Variants in MNS1 observed in about 807,000 individuals in gnomAD.
MNS1 encodes meiosis specific nuclear structural 1.
Under a neutral mutation model 72.0 loss-of-function variants are expected in MNS1, and 63 were observed. That is an observed-to-expected ratio of 0.87 (90% confidence interval 0.71 to 1.08). The LOEUF is 1.08. Among genes scored for constraint, MNS1 ranks in the 50% least tolerant of loss-of-function variants. MNS1 has a pLI of 0.00. For missense variants in MNS1, 604 were observed against 562.4 expected (o/e 1.07, Z -0.75); for synonymous variants, 188 against 172.1 (o/e 1.09, Z -0.72).
At chr15:56,463,012 C>A (rs916544365) in intron 2 of MNS1, among the ~76,000 whole-genome samples, 2 of 152,038 alleles carry the variant, frequency 1.3e-5, no homozygotes, top group Non-Finnish European at 1.5e-5. Flanking sequence ...GGGTGGATAT[C>A]ATTTTTTAAA....
In MNS1 at chr15:56,435,373, C is replaced by A. The variant is rs552010109; in HGVS notation, c.1012-978G>T. On this transcript the variant is annotated intron_variant, in intron 7 of 9. Transcript: ENST00000260453. ...AGAAAATAGACAATTATTGGTGAAA[C>A]AAAAGGCTGGTTCTTAAAAATTATC... Among the ~76,000 whole-genome samples, 30 of 151,364 alleles carry A rather than the reference C, an allele frequency of 2.0e-4. No homozygotes were observed. In the South Asian group the frequency reaches 6.2e-3, roughly 31 times the overall value.
intron 7 of MNS1, among the ~76,000 whole-genome samples, chr15:56,438,952 T>C (rs2050774569): frequency 6.6e-6 from 1 of 152,084 alleles, no homozygotes; most frequent in Non-Finnish European, 1.5e-5. Flanking sequence ...GCTGGAAATT[T>C]TAGCCAGCAT....
rs2050468675 is a variant in MNS1, at chr15:56,429,019, C to T, written c.*82G>A. The T allele has an allele frequency of 7.9e-6, 6 of 756,850 alleles. No homozygotes were observed. In the South Asian group the frequency reaches 1.2e-4, roughly 15 times the overall value. 46.9% of individuals were successfully genotyped at this position (756,850 alleles called of 1,614,324 possible). A position where few individuals can be genotyped will look rare whatever the true frequency, so the allele number is the denominator to read the frequency against. Reference sequence around the variant, plus strand: ...CCAAACAGACAATGGATACCTAATGCCACTGAACTGTAAAACAAAAGTTAT... The same window carrying T: ...CCAAACAGACAATGGATACCTAATGTCACTGAACTGTAAAACAAAAGTTAT... On this transcript the variant is annotated 3_prime_UTR_variant, in exon 10 of 10. Coordinates refer to ENST00000260453, the MANE Select transcript of MNS1 (RefSeq NM_018365.4).
rs145860236 is a variant in MNS1 at position 56,464,395 on chromosome 15, C to T, written c.4-148G>A. 1.4e-4 allele frequency: 90 copies of T among 624,168 alleles called. 1 individual carries two copies. The East Asian group carries it at 2.4e-3, about 16-fold the overall frequency. The allele number at this position is 624,168 out of a possible 1,614,324, so 38.7% of individuals were successfully genotyped here. ...AGGAGTATACCGAATAAAAAGTAAACGTGGTAAATATGTTCACATATCGAT... is the reference window on the plus strand; with the variant it reads ...AGGAGTATACCGAATAAAAAGTAAATGTGGTAAATATGTTCACATATCGAT... On this transcript the variant is annotated intron_variant, in intron 1 of 9. Coordinates refer to ENST00000260453, the MANE Select transcript of MNS1 (RefSeq NM_018365.4).
intron 4 of MNS1, among the ~76,000 whole-genome samples, chr15:56,445,500 A>T (rs1354666373): frequency 6.6e-6 from 1 of 152,036 alleles, no homozygotes; most frequent in Admixed American, 6.6e-5. Context: ...GTCATTCCTG[A>T]CGTCACTGAA....
intron 1 of MNS1, among the ~76,000 whole-genome samples, 199 bp from the exon 2 acceptor site, chr15:56,464,446 A>G (rs1478167169): frequency 1.3e-5 from 2 of 152,158 alleles, no homozygotes; most frequent in Non-Finnish European, 1.5e-5. Context: ...ATTATTACCT[A>G]TTTTATAGAT....
intron 3 of MNS1, among the ~76,000 whole-genome samples, chr15:56,453,429 A>G (rs1596266837): frequency 6.6e-6 from 1 of 152,062 alleles, no homozygotes; most frequent in East Asian, 1.9e-4. Flanking sequence ...TATCTCATCT[A>G]TTTTATGAAT....
intron 2 of MNS1, among the ~76,000 whole-genome samples, chr15:56,458,717 T>C (rs983680452): frequency 2.0e-5 from 3 of 152,324 alleles, no homozygotes; most frequent in African/African-American, 7.2e-5. Context: ...TGGAGCCTTT[T>C]TGGACTGGCT....
At chr15:56,456,562 C>CA in intron 2 of MNS1, 41 bp from the exon 3 acceptor site, 1 of 1,587,340 alleles carries the variant, frequency 6.3e-7, no homozygotes, top group Non-Finnish European at 8.5e-7. Context: ...CCTCTAGAAT[C>CA]AGATTTTTTT....
At chr15:56,448,385 ACTC>A (rs1235179640) in intron 3 of MNS1, among the ~76,000 whole-genome samples, 6 of 151,644 alleles carry the variant, frequency 4.0e-5, no homozygotes, top group African/African-American at 1.5e-4. Context: ...TTTTTAACCC[ACTC>A]CTCCTCCACC....
intron 3 of MNS1, among the ~76,000 whole-genome samples, chr15:56,454,129 T>G (rs2050965561): frequency 6.6e-6 from 1 of 152,154 alleles, no homozygotes; most frequent in African/African-American, 2.4e-5. Flanking sequence ...GAATGACTTT[T>G]AGTTTGAAAA....
Position 56,460,009 on chromosome 15 carries a change from A to AAAAAATATATATATATATATATATAT in MNS1, c.226-3489_226-3488insATATATATATATATATATATATTTTT. Among the ~76,000 whole-genome samples, 7 of 26,404 alleles carry AAAAAATATATATATATATATATATAT rather than the reference A, an allele frequency of 2.7e-4. 2 individuals carry two copies. The highest frequency in any genetic ancestry group is 2.8e-4 in the Non-Finnish European group (4 of 14,316). 17.3% of individuals were successfully genotyped at this position (26,404 alleles called of 152,430 possible). On this transcript the variant is annotated intron_variant, in intron 2 of 9. Coordinates refer to ENST00000260453, the MANE Select transcript of MNS1 (RefSeq NM_018365.4). Reference sequence around the variant, plus strand: ...CTGTCTCAAAAAAAAAAAAAAAAAAAATACATATATATATATATATATATA... The same window carrying AAAAAATATATATATATATATATATAT: ...CTGTCTCAAAAAAAAAAAAAAAAAAAAAAAATATATATATATATATATATATATACATATATATATATATATATATA...
At chr15:56,437,007 C>T (rs1373976466) in intron 7 of MNS1, among the ~76,000 whole-genome samples, 2 of 152,050 alleles carry the variant, frequency 1.3e-5, no homozygotes, top group Admixed American at 6.5e-5. Flanking sequence ...GATTCACAGC[C>T]GAATTCTACC....
Position 56,443,787 on chromosome 15 carries a change from G to C in MNS1, c.754C>G (p.Gln252Glu). The change falls in exon 6 of 10, where the codon CAG becomes GAG. Residue 252 changes from glutamine (Q) to glutamate (E), a missense_variant. By Grantham distance (29) the Gln-to-Glu change is conservative. Coordinates refer to ENST00000260453, the MANE Select transcript of MNS1 (RefSeq NM_018365.4). ...RRYIEEFQKE[Q>E]ALWRKKKREE... ...CGTTTCTTTTTTCTCCAGAGAGCCT[G>C]CTCTTTCTGAAACTCTTCTATATAC... 1 of 1,612,610 alleles carries C rather than the reference G, an allele frequency of 6.2e-7. No homozygotes were observed. The highest frequency in any genetic ancestry group is 8.5e-7 in the Non-Finnish European group (1 of 1,179,476).
intron 5 of MNS1, 122 bp from the exon 6 acceptor site, chr15:56,443,976 C>G: frequency 1.3e-6 from 1 of 748,336 alleles, no homozygotes; most frequent in Non-Finnish European, 2.0e-6. Flanking sequence ...ATGCAACAAA[C>G]ATTTTGAATG....
chr15:56,443,522 C>A lies in MNS1; in HGVS notation c.919G>T (p.Glu307Ter). 6.3e-7 allele frequency: 1 copy of A among 1,594,920 alleles called. No individual in the cohort carries two copies. The highest frequency in any genetic ancestry group is 8.5e-7 in the Non-Finnish European group (1 of 1,174,608). Residue 307 changes from glutamate (E) to a stop codon, truncating the protein, a stop_gained, in exon 7 of 10, where the codon GAA becomes TAA. Transcript: ENST00000260453. LOFTEE classifies it high-confidence loss of function. ...TCTTCACGTTGCCGCAGCATTTCTT[C>A]TAATTTCTGTGTCAACTATTAAATT... ...QLQNALTQKL[E>*]EMLRQREDLE...
chr15:56,429,472 T>G (rs762795395), intron 9 of MNS1: 4 of 301,560 alleles, frequency 1.3e-5, no homozygotes, highest in African/African-American at 2.3e-5. Flanking sequence ...CTGCTTGGAT[T>G]ACCTAGATAG....
At chr15:56,434,862 T>G (rs948089441) in intron 7 of MNS1, among the ~76,000 whole-genome samples, 1 of 152,096 alleles carries the variant, frequency 6.6e-6, no homozygotes, top group Non-Finnish European at 1.5e-5. Context: ...ATTCCCTTCA[T>G]TCTCCAAAAT....
intron 4 of MNS1, among the ~76,000 whole-genome samples, chr15:56,446,214 T>C (rs795796): frequency 0.031 from 4,775 of 152,096 alleles, 188 homozygotes; most frequent in East Asian, 0.093. Flanking sequence ...CATTCATATA[T>C]AATTGGCCCT....
Sources: allele counts gnomAD v4.1 joint callset (sites outside exome capture counted in the v4.1 genomes callset), GRCh38; gene constraint gnomAD v4.1.1; transcripts MANE v1.5; gene names NCBI Gene and HGNC (gene_info 2026-07-23, HGNC 2026-07-21).